Variants in AGR2 observed in about 807,000 individuals in gnomAD.
AGR2 encodes anterior gradient protein 2 homolog.
AGR2 carries 27 observed loss-of-function variants against 25.9 expected under a neutral mutation model. The observed-to-expected ratio is 1.04, with a 90% CI of 0.77 to 1.44. AGR2 has a LOEUF of 1.44. AGR2 is among the 40% of genes most tolerant of loss of function. AGR2 has a pLI of 0.00. For synonymous variants in AGR2, 78 were observed against 72.0 expected (o/e 1.08, Z -0.42); for missense variants, 182 against 200.9 (o/e 0.91, Z 0.57).
At chr7:16,800,778 G>T (rs533562662) in intron 4 of AGR2, among the ~76,000 whole-genome samples, 1 of 152,316 alleles carries the variant, frequency 6.6e-6, no homozygotes, top group Non-Finnish European at 1.5e-5. Flanking sequence ...TGATAGCCAA[G>T]TTTAAACCAA....
chr7:16,802,325 C>A (rs114383645), intron 1 of AGR2, among the ~76,000 whole-genome samples: 6 of 152,032 alleles, frequency 3.9e-5, no homozygotes, highest in South Asian at 4.2e-4. Context: ...TACTAATGTG[C>A]GGTTTCAGGC....
At chr7:16,802,684 G>C (rs1785169033) in intron 1 of AGR2, among the ~76,000 whole-genome samples, 1 of 151,922 alleles carries the variant, frequency 6.6e-6, no homozygotes, top group Non-Finnish European at 1.5e-5. Flanking sequence ...ATGGATAGCT[G>C]TCTATTGATC....
chr7:16,794,916 G>T lies in AGR2; in HGVS notation c.478+20C>A. On this transcript the variant is annotated intron_variant, in intron 7 of 7. Transcript: ENST00000419304. ...GGTGTTCAACTCTTGGGCAACATCC[G>T]AATTGAAGGTCACACTTACACAGAG... 1 of 1,614,042 alleles carries T rather than the reference G, an allele frequency of 6.2e-7. No individual in the cohort carries two copies. The highest frequency in any genetic ancestry group is 8.5e-7 in the Non-Finnish European group (1 of 1,179,956).
intron 2 of AGR2, 107 bp downstream of exon 2, chr7:16,801,551 A>G (rs1785144527): frequency 1.4e-6 from 2 of 1,468,628 alleles, no homozygotes; most frequent in African/African-American, 2.8e-5. Flanking sequence ...AAGGAACACA[A>G]CCAAAAATAA....
In AGR2 at chr7:16,794,754, C is replaced by G. The variant is rs140287050; in HGVS notation, c.478+182G>C. 3.1e-3 allele frequency: 4,402 copies of G among 1,439,858 alleles called. 31 individuals carry two copies. The highest frequency in any genetic ancestry group is 0.026 in the African/African-American group (1,811 of 68,588). 89.2% of individuals were successfully genotyped at this position (1,439,858 alleles called of 1,614,324 possible). A position where few individuals can be genotyped will look rare whatever the true frequency, so the allele number is the denominator to read the frequency against. On this transcript the variant is annotated intron_variant, in intron 7 of 7. Transcript: ENST00000419304. ...ATCTTCAATTGAGATTAAAAACAAA[C>G]AAACCTGAGATGGAAAGAGTGTGAT...
In AGR2 at chr7:16,794,768, A is replaced by T. The variant is rs552072094; in HGVS notation, c.478+168T>A. 3.6e-5 allele frequency: 53 copies of T among 1,477,290 alleles called. No individual in the cohort carries two copies. The Admixed American group carries it at 1.0e-3, about 28-fold the overall frequency. 91.5% of individuals were successfully genotyped at this position (1,477,290 alleles called of 1,614,324 possible). ...TTAAAAACAAACAAACCTGAGATGG[A>T]AAGAGTGTGATTTGCCTGAAGATGC... On this transcript the variant is annotated intron_variant, in intron 7 of 7. Coordinates refer to ENST00000419304, the MANE Select transcript of AGR2 (RefSeq NM_006408.4).
At chr7:16,802,699 T>C (rs1022339220) in intron 1 of AGR2, among the ~76,000 whole-genome samples, 9 of 151,966 alleles carry the variant, frequency 5.9e-5, no homozygotes, top group African/African-American at 1.9e-4. Context: ...TTGATCCACA[T>C]AGATAAAGAC....
At position 16,804,970 on chromosome 7, in the gene AGR2, G is replaced by A. The variant is rs1255587470; in HGVS notation, c.-43C>T. On this transcript the variant is annotated 5_prime_UTR_variant, in exon 1 of 8. Transcript: ENST00000419304. ...TCACCCACCTGCCTTGTGTGAGTCG[G>A]CGGCTAGGATGCGGTCCAAGCTTCT... The A allele has an allele frequency of 6.6e-6, 1 of 152,366 alleles. No individual in the cohort carries two copies. The highest frequency in any genetic ancestry group is 1.5e-5 in the Non-Finnish European group (1 of 68,096). 9.4% of individuals were successfully genotyped at this position (152,366 alleles called of 1,614,324 possible).
rs763224709 is a variant in AGR2 at position 16,792,980 on chromosome 7, G to T, written c.479-23C>A. 4 of 1,609,016 alleles carry T rather than the reference G, an allele frequency of 2.5e-6. No individual in the cohort carries two copies. In the Admixed American group the frequency reaches 6.7e-5, roughly 27 times the overall value. The stretch of plus-strand genomic sequence containing the variant: ...GCACTAATGGGGGATAAAAGCAGGA[G>T]AGTCAAGACACCATCGTGCGTTATA... On this transcript the variant is annotated intron_variant, in intron 7 of 7. Transcript: ENST00000419304.
intron 6 of AGR2, among the ~76,000 whole-genome samples, chr7:16,795,813 C>G (rs1269267363): frequency 6.6e-6 from 1 of 152,198 alleles, no homozygotes; most frequent in Non-Finnish European, 1.5e-5. Context: ...TGAGAACCAT[C>G]TGCATGTTTG....
At chr7:16,797,484 C>T (rs1482596420) in intron 6 of AGR2, 147 bp downstream of exon 6, 12 of 572,374 alleles carry the variant, frequency 2.1e-5, no homozygotes, top group Admixed American at 3.4e-5. Context: ...AAATATGTTG[C>T]GGAACTTAAA....
Position 16,794,951 on chromosome 7 carries a change from C to T in AGR2, c.463G>A (p.Ala155Thr), listed in dbSNP as rs1785019460. Residue 155 changes from alanine to threonine, a missense_variant, in exon 7 of 8, where the codon GCA (alanine) becomes ACA (threonine). Transcript: ENST00000419304. ...YSNRLYAYEP[A>T]DTALLLDNMK... ...TCACACTTACACAGAGCTGTATCTGCAGGTTCGTAAGCATAGAGACGATTT... is the reference window on the plus strand; with the variant it reads ...TCACACTTACACAGAGCTGTATCTGTAGGTTCGTAAGCATAGAGACGATTT... 5.0e-6 allele frequency: 8 copies of T among 1,614,186 alleles called. No homozygotes were observed. The highest frequency in any genetic ancestry group is 6.8e-6 in the Non-Finnish European group (8 of 1,180,010).
chr7:16,801,568 A>T, intron 2 of AGR2, 90 bp downstream of exon 2: 1 of 1,512,828 alleles, frequency 6.6e-7, no homozygotes, highest in South Asian at 1.1e-5. Context: ...ATAACCTGGC[A>T]CCAGGTTAGA....
chr7:16,798,518 C>G (rs1004057661), intron 5 of AGR2, among the ~76,000 whole-genome samples: 1 of 152,106 alleles, frequency 6.6e-6, no homozygotes, highest in Non-Finnish European at 1.5e-5. Context: ...TTCCTTTGTT[C>G]AGAAATAGTT....
intron 1 of AGR2, among the ~76,000 whole-genome samples, chr7:16,803,640 C>G (rs3807502): frequency 0.16 from 24,900 of 151,986 alleles, 2,250 homozygotes; most frequent in South Asian, 0.28. Flanking sequence ...AAGCAAAAAT[C>G]AGGGATATAC....
At chr7:16,802,241 G>A (rs927620814) in intron 1 of AGR2, among the ~76,000 whole-genome samples, 2 of 151,994 alleles carry the variant, frequency 1.3e-5, no homozygotes, top group African/African-American at 4.8e-5. Flanking sequence ...ATCTCTTATT[G>A]TGCTTAATTT....
At chr7:16,801,438 TG>T (rs1169820936) in intron 2 of AGR2, 55 bp from the exon 3 acceptor site, 1 of 1,540,958 alleles carries the variant, frequency 6.5e-7, no homozygotes, top group Non-Finnish European at 8.9e-7. Flanking sequence ...GACCCAAAGC[TG>T]TTGAAAAGCA....
At chr7:16,804,694 G>T (rs3817508) in intron 1 of AGR2, among the ~76,000 whole-genome samples, 3 of 151,814 alleles carry the variant, frequency 2.0e-5, no homozygotes, top group Non-Finnish European at 4.4e-5. Context: ...ATTTTGTTTC[G>T]CAAAAGAGAA....
intron 5 of AGR2, 40 bp from the exon 6 acceptor site, chr7:16,797,734 T>C: frequency 6.5e-7 from 1 of 1,548,142 alleles, no homozygotes; most frequent in Non-Finnish European, 8.9e-7. Flanking sequence ...TTACTTTGAC[T>C]TTTCAGTCGT....
Sources: allele counts gnomAD v4.1 joint callset (sites outside exome capture counted in the v4.1 genomes callset), GRCh38; gene constraint gnomAD v4.1.1; transcripts MANE v1.5; gene names NCBI Gene and HGNC (gene_info 2026-07-23, HGNC 2026-07-21).